Variants in BCAT1 observed in about 807,000 individuals in gnomAD.
The protein encoded by BCAT1 is branched chain amino acid transaminase 1, also known as branched-chain-amino-acid aminotransferase, cytosolic.
Under a neutral mutation model 52.4 loss-of-function variants are expected in BCAT1, and 48 were observed. The ratio of observed to expected loss-of-function variants is 0.92; its 90% CI spans 0.73 to 1.16. BCAT1 has a LOEUF of 1.16. BCAT1 is among the 50% of genes most tolerant of loss of function. The probability of loss-of-function intolerance (pLI) is 0.00; values close to 1 mark genes in which losing one functional copy is unlikely to be tolerated. For synonymous variants in BCAT1, 167 were observed against 161.3 expected (o/e 1.04, Z -0.27); for missense variants, 451 against 457.1 (o/e 0.99, Z 0.12).
chr12:24,843,582 G>A (rs1162069139), intron 6 of BCAT1, among the ~76,000 whole-genome samples: 1 of 152,020 alleles, frequency 6.6e-6, no homozygotes, highest in African/African-American at 2.4e-5. Flanking sequence ...CAGCCTGGGT[G>A]ACACAGTGAG....
At chr12:24,884,855 A>T (rs1258885199) in intron 3 of BCAT1, among the ~76,000 whole-genome samples, 1 of 152,220 alleles carries the variant, frequency 6.6e-6, no homozygotes, top group Non-Finnish European at 1.5e-5. Context: ...TGATCATCTC[A>T]TTAGATGTAG....
At chr12:24,921,947 G>A (rs952073384) in intron 1 of BCAT1, among the ~76,000 whole-genome samples, 3 of 152,196 alleles carry the variant, frequency 2.0e-5, no homozygotes, top group African/African-American at 4.8e-5. Context: ...AAAGGACTTC[G>A]TCGTTAGATA....
At chr12:24,830,988 T>A (rs1940640311) in intron 9 of BCAT1, among the ~76,000 whole-genome samples, 1 of 152,140 alleles carries the variant, frequency 6.6e-6, no homozygotes, top group Non-Finnish European at 1.5e-5. Context: ...TGAAAACCAG[T>A]GGAGTTTGCA....
chr12:24,904,794 A>G (rs1943201057), intron 1 of BCAT1: 1 of 152,262 alleles, frequency 6.6e-6, no homozygotes, highest in Non-Finnish European at 1.5e-5. Flanking sequence ...TTGAGAGCAT[A>G]CCATCATCCT....
At chr12:24,863,569 T>C (rs1416659522) in intron 5 of BCAT1, among the ~76,000 whole-genome samples, 1 of 152,168 alleles carries the variant, frequency 6.6e-6, no homozygotes, top group African/African-American at 2.4e-5. Context: ...ATGAATTATT[T>C]AAAAAGTGGT....
rs545995550 is a variant in BCAT1, at chr12:24,894,339, T to A, written c.215A>T (p.His72Leu). The A allele has an allele frequency of 3.1e-6, 5 of 1,613,958 alleles. No individual in the cohort carries two copies. The South Asian group carries it at 3.3e-5, about 11-fold the overall frequency. Residue 72 changes from histidine to leucine, a missense_variant, in exon 3 of 11, where the codon CAT becomes CTT. His to Leu is a moderately conservative substitution (Grantham distance 99). Transcript: ENST00000261192. Reference sequence around the variant, plus strand: ...TGACAGGTTCTGAAGAGGCTTGATATGAGGTTTCTCCCATCCAAACTCTGA... The same window carrying A: ...TGACAGGTTCTGAAGAGGCTTGATAAGAGGTTTCTCCCATCCAAACTCTGA... ...WSSEFGWEKPHIKPLQNLSLH... is the reference protein window; with the variant it reads ...WSSEFGWEKPLIKPLQNLSLH...
intron 1 of BCAT1, among the ~76,000 whole-genome samples, chr12:24,930,225 A>G (rs1319274788): frequency 6.6e-6 from 1 of 152,178 alleles, no homozygotes; most frequent in Non-Finnish European, 1.5e-5. Context: ...GCAATGATGC[A>G]CATTCTGTCT....
chr12:24,844,894 C>CAAAAAAAAAAAAGA (rs1941294312), intron 6 of BCAT1, among the ~76,000 whole-genome samples: 1 of 36,002 alleles, frequency 2.8e-5, no homozygotes. Context: ...GAGACTGTCT[C>CAAAAAAAAAAAAGA]AAAAAAAAAA....
chr12:24,826,158 G>A (rs377493757), intron 10 of BCAT1, among the ~76,000 whole-genome samples: 22 of 152,276 alleles, frequency 1.4e-4, no homozygotes, highest in African/African-American at 5.3e-4. Context: ...GCCACAATGA[G>A]CCAGGTTCAT....
chr12:24,847,862 G>A (rs529569816), intron 6 of BCAT1, among the ~76,000 whole-genome samples: 1 of 152,152 alleles, frequency 6.6e-6, no homozygotes, highest in South Asian at 2.1e-4. Flanking sequence ...AGGTGTCAAG[G>A]GTAACTGTTG....
At chr12:24,839,064 T>G (rs1224740050) in intron 7 of BCAT1, among the ~76,000 whole-genome samples, 1 of 152,216 alleles carries the variant, frequency 6.6e-6, no homozygotes, top group African/African-American at 2.4e-5. Flanking sequence ...TGAACAAAAC[T>G]GACATATCTC....
chr12:24,929,223 G>A (rs1483006198), intron 1 of BCAT1, among the ~76,000 whole-genome samples: 2 of 152,130 alleles, frequency 1.3e-5, no homozygotes, highest in African/African-American at 2.4e-5. Flanking sequence ...AGTTCAGAAC[G>A]CTGACTTCCA....
chr12:24,836,641 G>T, intron 7 of BCAT1, 45 bp from the exon 8 acceptor site: 1 of 1,476,304 alleles, frequency 6.8e-7, no homozygotes. Context: ...CACTACATTA[G>T]GCATGCCTTA....
At chr12:24,915,133 T>A (rs1943388657) in intron 1 of BCAT1, among the ~76,000 whole-genome samples, 1 of 152,168 alleles carries the variant, frequency 6.6e-6, no homozygotes, top group Non-Finnish European at 1.5e-5. Context: ...TTTTTTGCTT[T>A]GATATTTTTT....
chr12:24,906,735 T>G (rs141609393), intron 1 of BCAT1, among the ~76,000 whole-genome samples: 326 of 152,290 alleles, frequency 2.1e-3, no homozygotes, highest in Non-Finnish European at 3.4e-3. Context: ...TCCTGCTCTA[T>G]GTAGTTGCTC....
chr12:24,840,997 C>T (rs557429547), intron 7 of BCAT1, among the ~76,000 whole-genome samples: 78 of 152,212 alleles, frequency 5.1e-4, no homozygotes, highest in African/African-American at 1.9e-3. Context: ...TTTTCTCCCA[C>T]CGTTGGCCAT....
intron 3 of BCAT1, among the ~76,000 whole-genome samples, chr12:24,893,996 G>A (rs1279909510): frequency 6.6e-6 from 1 of 152,034 alleles, no homozygotes; most frequent in Admixed American, 6.5e-5. Context: ...AACAGTGCTG[G>A]CTTTTTAATT....
intron 5 of BCAT1, among the ~76,000 whole-genome samples, chr12:24,857,624 T>A (rs1186406224): frequency 6.6e-6 from 1 of 152,226 alleles, no homozygotes; most frequent in Non-Finnish European, 1.5e-5. Context: ...AGATCATTTC[T>A]AACAGCCTGG....
chr12:24,908,483 T>TC (rs1315786036), intron 1 of BCAT1, among the ~76,000 whole-genome samples: 4 of 152,128 alleles, frequency 2.6e-5, no homozygotes. Context: ...ACACCTGTAA[T>TC]CCCCCCACTT....
Sources: gnomAD v4.1 joint callset for allele counts (sites outside exome capture counted in the v4.1 genomes callset) on GRCh38, gnomAD v4.1.1 for gene constraint, MANE v1.5 for transcripts, NCBI Gene and HGNC (gene_info 2026-07-23, HGNC 2026-07-21) for gene names.